RGS18: variants seen among roughly 807,000 people sequenced by gnomAD.
RGS18 encodes regulator of G protein signaling 18.
Under a neutral mutation model 27.6 loss-of-function variants are expected in RGS18, and 22 were observed. The observed-to-expected ratio is 0.80, with a 90% CI of 0.57 to 1.14. The LOEUF is 1.14. Ranked by LOEUF, RGS18 falls within the 50% of genes most tolerant of loss-of-function variation. RGS18 has a pLI of 0.00. For synonymous variants in RGS18, 89 were observed against 84.6 expected (o/e 1.05, Z -0.29); for missense variants, 299 against 269.6 (o/e 1.11, Z -0.76).
chr1:192,168,401 G>A (rs1656197474), intron 3 of RGS18: 1 of 152,038 alleles, frequency 6.6e-6, no homozygotes, highest in African/African-American at 2.4e-5. Context: ...TTTAGTTAAT[G>A]CATCATGAGC....
intron 2 of RGS18, among the ~76,000 whole-genome samples, chr1:192,159,589 T>A (rs1156553464): frequency 6.6e-6 from 1 of 152,194 alleles, no homozygotes; most frequent in African/African-American, 2.4e-5. Context: ...TTACTCCTTA[T>A]AACCTGATAA....
At chr1:192,159,113 T>C in intron 1 of RGS18, 107 bp from the exon 2 acceptor site, 2 of 688,026 alleles carry the variant, frequency 2.9e-6, no homozygotes. Context: ...AGTGTGTGGG[T>C]ATGGGTGGGC....
chr1:192,172,712 T>C (rs1287358856), intron 3 of RGS18, among the ~76,000 whole-genome samples: 1 of 151,646 alleles, frequency 6.6e-6, no homozygotes, highest in Non-Finnish European at 1.5e-5. Context: ...GTGATTAGAT[T>C]GGCTCTACCT....
chr1:192,176,717 T>TATTGAAACCAGTGTCTGGAACACAG (rs1656364891), intron 3 of RGS18, among the ~76,000 whole-genome samples: 7 of 151,728 alleles, frequency 4.6e-5, no homozygotes, highest in Non-Finnish European at 1.0e-4. Context: ...CAGCATGTGA[T>TATTGAAACCAGTGTCTGGAACACAG]CAATATTGTT....
At chr1:192,168,854 A>G (rs557163860) in intron 3 of RGS18, 1 of 152,264 alleles carries the variant, frequency 6.6e-6, no homozygotes, top group African/African-American at 2.4e-5. Flanking sequence ...ACTGTCTGTA[A>G]GATTTAATGC....
intron 3 of RGS18, among the ~76,000 whole-genome samples, chr1:192,174,237 G>A (rs1306986884): frequency 6.6e-6 from 1 of 151,436 alleles, no homozygotes; most frequent in Admixed American, 6.6e-5. Flanking sequence ...ATTTGTTTTT[G>A]TTTTGTTTTT....
At chr1:192,175,602 A>G (rs995995975) in intron 3 of RGS18, among the ~76,000 whole-genome samples, 1 of 151,876 alleles carries the variant, frequency 6.6e-6, no homozygotes. Flanking sequence ...CCAGAAATCC[A>G]AAGTCATCCA....
intron 3 of RGS18, among the ~76,000 whole-genome samples, chr1:192,176,907 T>C (rs1656368605): frequency 1.3e-5 from 2 of 151,810 alleles, no homozygotes; most frequent in South Asian, 4.1e-4. Context: ...TAGACTGGCA[T>C]TTACCACAAA....
intron 3 of RGS18, among the ~76,000 whole-genome samples, chr1:192,172,878 T>C (rs970479649): frequency 7.2e-6 from 1 of 138,574 alleles, no homozygotes; most frequent in Non-Finnish European, 1.6e-5. Context: ...TATATATATA[T>C]ATATAAATAT....
chr1:192,159,072 C>T, intron 1 of RGS18, 148 bp from the exon 2 acceptor site: 1 of 596,560 alleles, frequency 1.7e-6, no homozygotes. Flanking sequence ...CCTAATTCCT[C>T]CACAAATACA....
At chr1:192,181,517 AT>A in intron 4 of RGS18, 59 bp downstream of exon 4, 1 of 1,140,728 alleles carries the variant, frequency 8.8e-7, no homozygotes, top group East Asian at 3.0e-5. Flanking sequence ...TAATAATTTT[AT>A]TTTTAAATTG....
chr1:192,180,191 T>C (rs547972273), intron 3 of RGS18, among the ~76,000 whole-genome samples: 6 of 151,632 alleles, frequency 4.0e-5, no homozygotes, highest in African/African-American at 1.4e-4. Flanking sequence ...TAGTGAGCCT[T>C]AAATAAAAAT....
rs890438847 is a variant in RGS18 at position 192,185,675 on chromosome 1, A to C, written c.*1121A>C. 1.3e-5 allele frequency: 2 copies of C among 151,656 alleles called. No individual in the cohort carries two copies. The allele number at this position is 151,656 out of a possible 1,614,324, so 9.4% of individuals were successfully genotyped here. ...ACATGGTCTGTAAATATTTGTATTT[A>C]AAAATGCCATGCATTAGGCTTTGGA... On this transcript the variant is annotated 3_prime_UTR_variant, in exon 5 of 5. Coordinates refer to ENST00000367460, the MANE Select transcript of RGS18 (RefSeq NM_130782.3).
At position 192,184,598 on chromosome 1, in the gene RGS18, G is replaced by A. The variant is rs750402065; in HGVS notation, c.*44G>A. The A allele has an allele frequency of 4.5e-6, 7 of 1,546,544 alleles. No individual in the cohort carries two copies. The South Asian group carries it at 8.0e-5, about 18-fold the overall frequency. On this transcript the variant is annotated 3_prime_UTR_variant, in exon 5 of 5. Transcript: ENST00000367460. ...ATTTTTATGACAAACTTATACATCT[G>A]CTTCTAACATATCGCATGTTTATGT...
At chr1:192,172,886 T>A (rs867234964) in intron 3 of RGS18, among the ~76,000 whole-genome samples, 16 of 144,102 alleles carry the variant, frequency 1.1e-4, no homozygotes, top group African/African-American at 3.8e-4. Context: ...TATATATAAA[T>A]ATATATATAT....
intron 2 of RGS18, among the ~76,000 whole-genome samples, chr1:192,160,037 A>G (rs985290326): frequency 6.6e-6 from 1 of 151,918 alleles, no homozygotes; most frequent in Non-Finnish European, 1.5e-5. Context: ...GTTTTTTTCT[A>G]CTTGCTGAAT....
At chr1:192,159,454 G>A in intron 2 of RGS18, 133 bp downstream of exon 2, 1 of 638,020 alleles carries the variant, frequency 1.6e-6, no homozygotes. Flanking sequence ...AATTTCATTT[G>A]AAGAGACTAG....
At chr1:192,175,401 T>C (rs908666242) in intron 3 of RGS18, among the ~76,000 whole-genome samples, 1 of 151,850 alleles carries the variant, frequency 6.6e-6, no homozygotes, top group Admixed American at 6.6e-5. Flanking sequence ...GAGTATTGAA[T>C]CATTTTTCTG....
At chr1:192,173,700 A>T (rs1313152373) in intron 3 of RGS18, among the ~76,000 whole-genome samples, 1 of 151,758 alleles carries the variant, frequency 6.6e-6, no homozygotes, top group African/African-American at 2.4e-5. Flanking sequence ...CAATTTCCCT[A>T]TGCCATATAA....
Sources: allele counts gnomAD v4.1 joint callset (sites outside exome capture counted in the v4.1 genomes callset), GRCh38; gene constraint gnomAD v4.1.1; transcripts MANE v1.5; gene names NCBI Gene and HGNC (gene_info 2026-07-23, HGNC 2026-07-21).